CSE1L: variants seen among roughly 807,000 people sequenced by gnomAD.
CSE1L encodes chromosome segregation 1 like, also known as exportin-2.
Under a neutral mutation model 120.4 loss-of-function variants are expected in CSE1L, and 24 were observed. The ratio of observed to expected loss-of-function variants is 0.20; its 90% CI spans 0.14 to 0.28. The LOEUF is 0.28. Ranked by LOEUF, CSE1L falls within the 10% of genes least tolerant of loss-of-function variation. CSE1L has a pLI of 1.00. For synonymous variants in CSE1L, 402 were observed against 398.3 expected (o/e 1.01, Z -0.11); for missense variants, 830 against 1,145.2 (o/e 0.72, Z 3.97).
chr20:49,046,760 GCCTCTCC>G (rs764558764), intron 1 of CSE1L, among the ~76,000 whole-genome samples: 221 of 152,358 alleles, frequency 1.5e-3, no homozygotes, highest in Non-Finnish European at 2.5e-3. Flanking sequence ...CTGCGCCGCC[GCCTCTCC>G]GCTCGGGAAG....
At chr20:49,058,426 T>C (rs1038287579) in intron 1 of CSE1L, 27 bp from the exon 2 acceptor site, 2 of 1,493,068 alleles carry the variant, frequency 1.3e-6, no homozygotes, top group African/African-American at 2.8e-5. Flanking sequence ...AAGTGACCAG[T>C]TATCCAAACC....
intron 6 of CSE1L, among the ~76,000 whole-genome samples, chr20:49,067,714 G>T (rs905168635): frequency 6.6e-6 from 1 of 151,590 alleles, no homozygotes; most frequent in Non-Finnish European, 1.5e-5. Context: ...AAGATTTAAA[G>T]AAATATATAT....
intron 1 of CSE1L, among the ~76,000 whole-genome samples, chr20:49,056,111 G>A (rs933253075): frequency 6.7e-5 from 10 of 149,482 alleles, no homozygotes; most frequent in South Asian, 2.1e-4. Context: ...TTCTAAAATC[G>A]CTTTTTTTTT....
chr20:49,079,941 G>C (rs933415529), intron 14 of CSE1L, among the ~76,000 whole-genome samples: 3 of 152,116 alleles, frequency 2.0e-5, no homozygotes, highest in Non-Finnish European at 4.4e-5. Context: ...GGGTGTGGTG[G>C]CACATGCCTA....
chr20:49,053,293 C>T (rs1288961952), intron 1 of CSE1L, among the ~76,000 whole-genome samples: 2 of 148,940 alleles, frequency 1.3e-5, no homozygotes, highest in East Asian at 3.9e-4. Flanking sequence ...AGGCCAATTT[C>T]CTTTAACTCA....
At chr20:49,065,585 A>ATTTT (rs1568769284) in intron 3 of CSE1L, among the ~76,000 whole-genome samples, 5 of 77,326 alleles carry the variant, frequency 6.5e-5, no homozygotes, top group African/African-American at 1.8e-4. Flanking sequence ...CTAAAATGGA[A>ATTTT]ATTTTTTTTT....
chr20:49,079,964 C>T (rs2091998603), intron 14 of CSE1L, among the ~76,000 whole-genome samples: 3 of 152,118 alleles, frequency 2.0e-5, no homozygotes, highest in Non-Finnish European at 4.4e-5. Context: ...ATCCCATCTA[C>T]TCGGGAGGCT....
chr20:49,056,940 A>G, intron 1 of CSE1L, among the ~76,000 whole-genome samples: 1 of 151,436 alleles, frequency 6.6e-6, no homozygotes, highest in East Asian at 1.9e-4. Flanking sequence ...ATACATTATT[A>G]TAGTCACCTT....
intron 13 of CSE1L, among the ~76,000 whole-genome samples, 176 bp downstream of exon 13, chr20:49,077,240 A>C (rs1600616380): frequency 6.7e-6 from 1 of 148,374 alleles, no homozygotes; most frequent in Non-Finnish European, 1.5e-5. Context: ...GCTCACTGCA[A>C]CTCCTGCCTC....
rs1372439138 is a variant in CSE1L at position 49,084,063 on chromosome 20, T to C, written c.1520T>C (p.Leu507Ser). 1.1e-5 allele frequency: 17 copies of C among 1,613,858 alleles called. No individual in the cohort carries two copies. Among genetic ancestry groups the C allele is most frequent in the Admixed American group, 6.7e-5 (4 of 59,988 alleles). The change falls in exon 15 of 25, where the codon TTG (leucine) becomes TCG (serine). Residue 507 changes from leucine to serine, a missense_variant. Physicochemically the swap from Leu to Ser is moderately radical, Grantham distance 145. Transcript: ENST00000262982. Reference protein sequence around the residue: ...KEHLLVSIPLLINHLQAESIV... With the variant: ...KEHLLVSIPLSINHLQAESIV... ...CATCTTTTAGTCTCGATTCCTCTCT[T>C]GATTAATCATCTTCAAGCTGAAAGT...
intron 1 of CSE1L, among the ~76,000 whole-genome samples, chr20:49,047,564 CTTT>C (rs59986218): frequency 1.6e-3 from 115 of 69,864 alleles, no homozygotes; most frequent in African/African-American, 2.5e-3. Context: ...TTTCTCTTTT[CTTT>C]TTTTTTTTTT....
intron 16 of CSE1L, among the ~76,000 whole-genome samples, chr20:49,087,756 CTT>C (rs1226469365): frequency 6.6e-6 from 1 of 152,158 alleles, no homozygotes; most frequent in Non-Finnish European, 1.5e-5. Flanking sequence ...TAGTCAACCT[CTT>C]TAATTATTTT....
At chr20:49,052,929 G>A (rs6019617) in intron 1 of CSE1L, among the ~76,000 whole-genome samples, 1 of 152,130 alleles carries the variant, frequency 6.6e-6, no homozygotes, top group Admixed American at 6.6e-5. Flanking sequence ...AGGAATCTAA[G>A]GAGTTTTAGT....
At chr20:49,072,843 T>A (rs756691792) in intron 10 of CSE1L, 146 bp downstream of exon 10, 229 of 881,494 alleles carry the variant, frequency 2.6e-4, no homozygotes, top group Non-Finnish European at 3.3e-4. Flanking sequence ...AAATGTAGTA[T>A]CTGTAATGAG....
intron 1 of CSE1L, among the ~76,000 whole-genome samples, chr20:49,046,701 C>T (rs926720176): frequency 6.6e-6 from 1 of 152,248 alleles, no homozygotes; most frequent in Non-Finnish European, 1.5e-5. Context: ...CGGCCTAACG[C>T]GAGCCTGCGG....
chr20:49,068,355 G>T (rs1297215301), intron 6 of CSE1L, among the ~76,000 whole-genome samples: 1 of 152,134 alleles, frequency 6.6e-6, no homozygotes, highest in African/African-American at 2.4e-5. Context: ...TTGAGAGGCC[G>T]AGGCGGGCGG....
chr20:49,074,176 A>AGGGTGT (rs2091952594), intron 10 of CSE1L, among the ~76,000 whole-genome samples: 1 of 115,424 alleles, frequency 8.7e-6, no homozygotes, highest in Admixed American at 9.7e-5. Flanking sequence ...ATACAACTGC[A>AGGGTGT]GTGTGTGTGT....
intron 21 of CSE1L, among the ~76,000 whole-genome samples, chr20:49,091,487 A>T (rs2092100641): frequency 6.6e-6 from 1 of 151,796 alleles, no homozygotes; most frequent in South Asian, 2.1e-4. Context: ...TAATCCCAGC[A>T]CTTTGGGAGG....
chr20:49,075,533 A>G lies in CSE1L; in HGVS notation c.1335+13A>G, dbSNP rs376387793. ...CCAAACACAGAAGGTAAATATTTTT[A>G]ATGTGGTTTTGTTTCTAAAACAGAC... On this transcript the variant is annotated intron_variant, in intron 12 of 24. Coordinates refer to ENST00000262982, the MANE Select transcript of CSE1L (RefSeq NM_001316.4). 1 of 1,610,926 alleles carries G rather than the reference A, an allele frequency of 6.2e-7. No individual in the cohort carries two copies. Among genetic ancestry groups the G allele is most frequent in the Non-Finnish European group, 8.5e-7 (1 of 1,177,264 alleles).
Sources: allele counts gnomAD v4.1 joint callset (sites outside exome capture counted in the v4.1 genomes callset), GRCh38; gene constraint gnomAD v4.1.1; transcripts MANE v1.5; gene names NCBI Gene and HGNC (gene_info 2026-07-23, HGNC 2026-07-21).